NHEJ1: variants seen among roughly 807,000 people sequenced by gnomAD.
NHEJ1 encodes non-homologous end joining factor 1, also known as non-homologous end-joining factor 1.
Under a neutral mutation model 39.4 loss-of-function variants are expected in NHEJ1, and 22 were observed. That is an observed-to-expected ratio of 0.56 (90% CI 0.40 to 0.80). The LOEUF is 0.80. NHEJ1 is among the 30% of genes least tolerant of loss of function. NHEJ1 has a pLI of 0.00. For synonymous variants in NHEJ1, 154 were observed against 135.6 expected (o/e 1.14, Z -0.94); for missense variants, 329 against 357.1 (o/e 0.92, Z 0.63).
intron 5 of NHEJ1, among the ~76,000 whole-genome samples, chr2:219,119,107 G>A (rs562043400): frequency 7.2e-5 from 11 of 152,206 alleles, no homozygotes; most frequent in Admixed American, 2.6e-4. Context: ...TCGAGGAGCC[G>A]ATGTTCTCCA....
rs1440531354 is a variant in NHEJ1 at position 219,073,378 on chromosome 2, C to T, written c.*3003G>A. On this transcript the variant is annotated 3_prime_UTR_variant, in exon 8 of 8. Transcript: ENST00000356853. Reference sequence around the variant, plus strand: ...GCCTGGTGACAAGAGAAGAGAATGACCCTAGTGATATCTTTTAGGACCCAG... The same window carrying T: ...GCCTGGTGACAAGAGAAGAGAATGATCCTAGTGATATCTTTTAGGACCCAG... Among the ~76,000 whole-genome samples, 1 of 152,194 alleles carries T rather than the reference C, an allele frequency of 6.6e-6. No homozygotes were observed. Among genetic ancestry groups the T allele is most frequent in the Non-Finnish European group, 1.5e-5 (1 of 68,032 alleles).
chr2:219,153,701 G>GA (rs1357275099), intron 3 of NHEJ1, among the ~76,000 whole-genome samples: 1 of 130,458 alleles, frequency 7.7e-6, no homozygotes, highest in East Asian at 2.2e-4. Flanking sequence ...AAGGGGGGGG[G>GA]GGTGGAGAGA....
chr2:219,146,609 C>T, intron 5 of NHEJ1, 71 bp downstream of exon 5: 1 of 1,248,724 alleles, frequency 8.0e-7, no homozygotes, highest in Non-Finnish European at 1.2e-6. Context: ...ACCCAAAACA[C>T]AAATGGCCAC....
chr2:219,125,269 C>T (rs777669407), intron 5 of NHEJ1, among the ~76,000 whole-genome samples: 2 of 152,092 alleles, frequency 1.3e-5, no homozygotes, highest in African/African-American at 2.4e-5. Flanking sequence ...ACCCATATTA[C>T]GCATAAAATC....
At chr2:219,139,666 G>T (rs80117954) in intron 5 of NHEJ1, among the ~76,000 whole-genome samples, 2,934 of 152,052 alleles carry the variant, frequency 0.019, 101 homozygotes, top group African/African-American at 0.067. Flanking sequence ...TTGGTTTTTT[G>T]GGGTTTTTTG....
At chr2:219,100,447 C>CAA (rs56196554) in intron 5 of NHEJ1, among the ~76,000 whole-genome samples, 7,341 of 133,950 alleles carry the variant, frequency 0.055, 288 homozygotes, top group Non-Finnish European at 0.08. Context: ...TACTAAAATG[C>CAA]AAAAAAAAAA....
At chr2:219,128,690 T>C (rs1949547440) in intron 5 of NHEJ1, among the ~76,000 whole-genome samples, 1 of 152,216 alleles carries the variant, frequency 6.6e-6, no homozygotes, top group Non-Finnish European at 1.5e-5. Flanking sequence ...TGACACGTTC[T>C]TGCCCGGCCT....
At chr2:219,083,955 T>G (rs559329960) in intron 5 of NHEJ1, among the ~76,000 whole-genome samples, 13 of 152,138 alleles carry the variant, frequency 8.5e-5, no homozygotes, top group Admixed American at 3.9e-4. Flanking sequence ...TATCTCTGGA[T>G]AGTCTCATAA....
chr2:219,135,103 T>G (rs1486556905), intron 5 of NHEJ1, among the ~76,000 whole-genome samples: 2 of 151,646 alleles, frequency 1.3e-5, no homozygotes, highest in Non-Finnish European at 2.9e-5. Context: ...TGTTTTTAAA[T>G]TAACTCTAAT....
intron 5 of NHEJ1, among the ~76,000 whole-genome samples, chr2:219,099,330 A>T (rs1949235538): frequency 6.6e-6 from 1 of 152,104 alleles, no homozygotes; most frequent in African/African-American, 2.4e-5. Flanking sequence ...TGCCAGTAGC[A>T]CTTCTCAAGT....
At chr2:219,108,745 A>G (rs1949336283) in intron 5 of NHEJ1, among the ~76,000 whole-genome samples, 1 of 152,098 alleles carries the variant, frequency 6.6e-6, no homozygotes, top group South Asian at 2.1e-4. Flanking sequence ...CCCCCTAGAG[A>G]TACAGATTAC....
chr2:219,159,585 A>ATATATG (rs1949906110), intron 1 of NHEJ1, among the ~76,000 whole-genome samples: 1 of 104,488 alleles, frequency 9.6e-6, no homozygotes, highest in Non-Finnish European at 1.8e-5. Context: ...GCATATATAT[A>ATATATG]TGCATATATA....
chr2:219,159,611 A>ATG lies in NHEJ1; in HGVS notation c.-1+1108_-1+1109insCA, dbSNP rs1313965775. ...TGCATATATATATATGCATATATATACATATACGTGGTGATCTTTCTTTAT... is the reference window on the plus strand; with the variant it reads ...TGCATATATATATATGCATATATATATGCATATACGTGGTGATCTTTCTTTAT... On this transcript the variant is annotated intron_variant, in intron 1 of 7. Coordinates refer to ENST00000356853, the MANE Select transcript of NHEJ1 (RefSeq NM_024782.3). 2.8e-4 allele frequency among the ~76,000 whole-genome samples: 29 copies of ATG among 105,082 alleles called. 1 individual carries two copies. Among genetic ancestry groups the ATG allele is most frequent in the Admixed American group, 5.6e-4 (6 of 10,646 alleles). The allele number at this position is 105,082 out of a possible 152,430, so 68.9% of individuals were successfully genotyped here. A position where few individuals can be genotyped will look rare whatever the true frequency, so the allele number is the denominator to read the frequency against.
intron 5 of NHEJ1, among the ~76,000 whole-genome samples, chr2:219,115,936 A>T (rs1449640171): frequency 6.6e-6 from 1 of 152,168 alleles, no homozygotes; most frequent in Non-Finnish European, 1.5e-5. Flanking sequence ...GCTGGCCAAC[A>T]TGGTGAAACT....
intron 5 of NHEJ1, among the ~76,000 whole-genome samples, chr2:219,143,029 T>C (rs1337101332): frequency 6.6e-6 from 1 of 152,216 alleles, no homozygotes; most frequent in Non-Finnish European, 1.5e-5. Context: ...CCTGGCCTAC[T>C]GTCCCCTGTG....
intron 3 of NHEJ1, among the ~76,000 whole-genome samples, chr2:219,153,720 G>GAGCA (rs1949822302): frequency 6.8e-6 from 1 of 147,200 alleles, no homozygotes; most frequent in Non-Finnish European, 1.5e-5. Context: ...GAGAGAGAGA[G>GAGCA]AGCAAGCAAG....
chr2:219,106,971 G>C (rs1949319685), intron 5 of NHEJ1, among the ~76,000 whole-genome samples: 1 of 152,120 alleles, frequency 6.6e-6, no homozygotes, highest in Non-Finnish European at 1.5e-5. Context: ...TCTACTCCAA[G>C]TCGGCCTACC....
At chr2:219,142,932 C>A (rs1341288674) in intron 5 of NHEJ1, among the ~76,000 whole-genome samples, 1 of 152,216 alleles carries the variant, frequency 6.6e-6, no homozygotes, top group Non-Finnish European at 1.5e-5. Context: ...GGCTCTTAGA[C>A]AGAGTGGAAA....
Position 219,147,930 on chromosome 2 carries a change from T to C in NHEJ1, c.391-135A>G. 3.6e-6 allele frequency: 3 copies of C among 836,594 alleles called. No homozygotes were observed. In the South Asian group the frequency reaches 4.6e-5, roughly 13 times the overall value. 51.8% of individuals were successfully genotyped at this position (836,594 alleles called of 1,614,324 possible). ...ATAGTTTCATAGGCAAGTAACCCAT[T>C]TACATGAATGTAAACACAAATACAA... On this transcript the variant is annotated intron_variant, in intron 3 of 7. Transcript: ENST00000356853.
Sources: allele counts gnomAD v4.1 joint callset (sites outside exome capture counted in the v4.1 genomes callset), GRCh38; gene constraint gnomAD v4.1.1; transcripts MANE v1.5; gene names NCBI Gene and HGNC (gene_info 2026-07-23, HGNC 2026-07-21).